KNSTRN: variants seen among roughly 807,000 people sequenced by gnomAD.
KNSTRN encodes the protein small kinetochore-associated protein.
KNSTRN carries 38 observed loss-of-function variants against 44.7 expected under a neutral mutation model. That is an observed-to-expected ratio of 0.85 (90% CI 0.66 to 1.11). KNSTRN has a LOEUF of 1.11. Ranked by LOEUF, KNSTRN falls within the 50% of genes most tolerant of loss-of-function variation. The probability of loss-of-function intolerance (pLI) is 0.00; values close to 1 mark genes in which losing one functional copy is unlikely to be tolerated. For missense variants in KNSTRN, 406 were observed against 375.8 expected, an observed-to-expected ratio of 1.08 and a Z score of -0.66; for synonymous variants, 158 against 148.1, an observed-to-expected ratio of 1.07 and a Z score of -0.48.
chr15:40,390,380 C>G (rs978467724), intron 6 of KNSTRN, among the ~76,000 whole-genome samples: 1 of 152,168 alleles, frequency 6.6e-6, no homozygotes, highest in African/African-American at 2.4e-5. Context: ...ATTCTTAAAC[C>G]TGGTTAATCA....
At chr15:40,389,135 T>C (rs1290007621) in intron 4 of KNSTRN, 4 of 455,064 alleles carry the variant, frequency 8.8e-6, no homozygotes, top group Non-Finnish European at 1.8e-5. Context: ...TGTAACTCTG[T>C]AGGCCGTATT....
intron 2 of KNSTRN, among the ~76,000 whole-genome samples, chr15:40,385,222 G>T (rs893429486): frequency 6.6e-6 from 1 of 152,206 alleles, no homozygotes; most frequent in African/African-American, 2.4e-5. Flanking sequence ...ATGTGAGGGT[G>T]GGGGTGCTTA....
At position 40,382,973 on chromosome 15, in the gene KNSTRN, C is replaced by G. The variant is rs1261620505; in HGVS notation, c.138C>G (p.Gly46=). 1 of 1,612,134 alleles carries G rather than the reference C, an allele frequency of 6.2e-7. No individual in the cohort carries two copies. The highest frequency in any genetic ancestry group is 1.3e-5 in the African/African-American group (1 of 74,880). ...FETQAADLAG[G]TTVAAGNLLN... is the part of the protein sequence containing the mutation. ...CCCAGGCGGCCGACTTAGCCGGTGGCACGACAGTTGCTGCAGGGAATCTTT... is the reference window on the plus strand; with the variant it reads ...CCCAGGCGGCCGACTTAGCCGGTGGGACGACAGTTGCTGCAGGGAATCTTT... The change falls in exon 1 of 9, where the codon GGC becomes GGG. Residue 46 remains glycine, a synonymous_variant. Coordinates refer to ENST00000249776, the MANE Select transcript of KNSTRN (RefSeq NM_033286.4).
In KNSTRN at chr15:40,386,510, T is replaced by TAGTATC; in HGVS notation, c.437+17_437+22dup. 1.2e-6 allele frequency: 2 copies of TAGTATC among 1,610,794 alleles called. No homozygotes were observed. The highest frequency in any genetic ancestry group is 1.7e-6 in the Non-Finnish European group (2 of 1,179,050). ...GAGAGAATGGGTGAGAACGGATCAT[T>TAGTATC]AGTATCCAGTTAGAACATCTTCCTA... On this transcript the variant is annotated intron_variant, in intron 3 of 8. Transcript: ENST00000249776.
chr15:40,389,049 G>T, intron 4 of KNSTRN: 1 of 371,272 alleles, frequency 2.7e-6, no homozygotes, highest in South Asian at 2.0e-5. Flanking sequence ...AGGAAACAAG[G>T]CCTCAGGGAG....
intron 3 of KNSTRN, chr15:40,386,842 G>A: frequency 3.8e-6 from 2 of 522,824 alleles, no homozygotes; most frequent in South Asian, 4.2e-5. Flanking sequence ...TCCAGCCCTA[G>A]TGTGTGTGTA....
intron 2 of KNSTRN, chr15:40,384,247 G>T (rs570833317): frequency 1.2e-4 from 34 of 279,950 alleles, no homozygotes; most frequent in South Asian, 9.6e-4. Context: ...GGTGGCGGGC[G>T]CCTGTAGTCC....
In KNSTRN at chr15:40,383,158, A is replaced by G. The variant is rs1038263905; in HGVS notation, c.210-70A>G. ...GAGCCGGGGCCTGTCGGGTCGCGCT[A>G]TCCCCGGGCCCTCCACTCTCTCGGG... On this transcript the variant is annotated intron_variant, in intron 1 of 8. Transcript: ENST00000249776. 5.1e-6 allele frequency: 8 copies of G among 1,568,506 alleles called. No individual in the cohort carries two copies. The East Asian group carries it at 9.0e-5, about 18-fold the overall frequency.
At chr15:40,387,872 G>A (rs1220393535) in intron 4 of KNSTRN, among the ~76,000 whole-genome samples, 2 of 152,114 alleles carry the variant, frequency 1.3e-5, no homozygotes, top group Admixed American at 6.6e-5. Context: ...GCCAGGCATG[G>A]TGGCGCATGT....
chr15:40,390,352 GAAAAT>G (rs1267151342), intron 6 of KNSTRN, among the ~76,000 whole-genome samples: 1 of 152,224 alleles, frequency 6.6e-6, no homozygotes, highest in Non-Finnish European at 1.5e-5. Context: ...GGAAGAGAAA[GAAAAT>G]ACTATTTCAA....
chr15:40,391,074 A>G (rs1889988641), intron 6 of KNSTRN, among the ~76,000 whole-genome samples: 1 of 152,212 alleles, frequency 6.6e-6, no homozygotes, highest in Non-Finnish European at 1.5e-5. Context: ...GCACCACCAC[A>G]TCCGACACCA....
At chr15:40,384,886 A>G (rs1362731882) in intron 2 of KNSTRN, 1 of 156,198 alleles carries the variant, frequency 6.4e-6, no homozygotes, top group Non-Finnish European at 1.4e-5. Context: ...CCTACAGTGC[A>G]ATCCTAGATT....
rs201087827 is a variant in KNSTRN at position 40,382,819 on chromosome 15, C to A, written c.-17C>A. ...GCTAGGTCTGGCTCTGGCCTCTGAGCGAACCTTCCGTACAGTATGGCGGCT... is the reference window on the plus strand; with the variant it reads ...GCTAGGTCTGGCTCTGGCCTCTGAGAGAACCTTCCGTACAGTATGGCGGCT... On this transcript the variant is annotated 5_prime_UTR_variant, in exon 1 of 9. Transcript: ENST00000249776. 4.0e-5 allele frequency: 65 copies of A among 1,606,570 alleles called. No individual in the cohort carries two copies. Among genetic ancestry groups the A allele is most frequent in the Non-Finnish European group, 5.3e-5 (62 of 1,177,076 alleles).
At position 40,383,410 on chromosome 15, in the gene KNSTRN, G is replaced by C; in HGVS notation, c.304+88G>C. ...AGATCGAATGGGTGGCGCGGGCACG[G>C]GGAAGGGCGTCCCGTCGGCCCTGAA... On this transcript the variant is annotated intron_variant, in intron 2 of 8. Transcript: ENST00000249776. 8 of 1,000,364 alleles carry C rather than the reference G, an allele frequency of 8.0e-6. No homozygotes were observed. In the South Asian group the frequency reaches 1.1e-4, roughly 14 times the overall value. 62.0% of individuals were successfully genotyped at this position (1,000,364 alleles called of 1,614,324 possible).
intron 4 of KNSTRN, among the ~76,000 whole-genome samples, chr15:40,388,539 C>G (rs1219084937): frequency 6.6e-6 from 1 of 151,782 alleles, no homozygotes; most frequent in Non-Finnish European, 1.5e-5. Flanking sequence ...ACTAAAAATA[C>G]AAAAAATTAG....
At chr15:40,383,173 ACT>A (rs1889842851) in intron 1 of KNSTRN, 53 bp from the exon 2 acceptor site, 1 of 1,589,524 alleles carries the variant, frequency 6.3e-7, no homozygotes. Context: ...CGGGCCCTCC[ACT>A]CTCTCGGGCC....
rs1249306919 is a variant in KNSTRN, at chr15:40,393,519, A to G, written c.873A>G (p.Glu291=). The change falls in exon 9 of 9, where the codon GAA becomes GAG. Residue 291 remains glutamate, a synonymous_variant. Coordinates refer to ENST00000249776, the MANE Select transcript of KNSTRN (RefSeq NM_033286.4). The part of the protein sequence containing the change: ...EMKEERVRFL[E]QQTLCNNQVN... ...AAGAGGAAAGAGTCCGATTCCTAGA[A>G]CAGCAAACCTTATGTAACAATCAAG... is the stretch of plus-strand genomic sequence containing the variant. 3.1e-6 allele frequency: 5 copies of G among 1,614,012 alleles called. No homozygotes were observed. The highest frequency in any genetic ancestry group is 4.2e-6 in the Non-Finnish European group (5 of 1,180,012).
At chr15:40,386,693 T>TA in intron 3 of KNSTRN, 199 bp downstream of exon 3, 1 of 591,084 alleles carries the variant, frequency 1.7e-6, no homozygotes, top group Non-Finnish European at 3.0e-6. Context: ...CAGCCAGAGT[T>TA]ATAAGAGGTG....
At chr15:40,385,578 A>G (rs535235247) in intron 2 of KNSTRN, among the ~76,000 whole-genome samples, 2 of 152,330 alleles carry the variant, frequency 1.3e-5, no homozygotes, top group Non-Finnish European at 2.9e-5. Context: ...TATGCCAGAT[A>G]CTTTCCTAGG....
Sources: gnomAD v4.1 joint callset for allele counts (sites outside exome capture counted in the v4.1 genomes callset) on GRCh38, gnomAD v4.1.1 for gene constraint, MANE v1.5 for transcripts, NCBI Gene and HGNC (gene_info 2026-07-23, HGNC 2026-07-21) for gene names.